The following GTF2E2 variants were observed in gnomAD, a reference collection of about 807,000 sequenced individuals.
GTF2E2 encodes general transcription factor IIE subunit 2.
Under a neutral mutation model 40.5 loss-of-function variants are expected in GTF2E2, and 21 were observed. The ratio of observed to expected loss-of-function variants is 0.52; its 90% CI spans 0.37 to 0.75. GTF2E2 has a LOEUF of 0.75. Among genes scored for constraint, GTF2E2 ranks in the 30% least tolerant of loss-of-function variants. GTF2E2 has a pLI of 0.00. For synonymous variants in GTF2E2, 117 were observed against 121.6 expected (o/e 0.96, Z 0.25); for missense variants, 298 against 338.4 (o/e 0.88, Z 0.94).
intron 5 of GTF2E2, among the ~76,000 whole-genome samples, chr8:30,611,635 T>C (rs893367191): frequency 6.6e-6 from 1 of 151,888 alleles, no homozygotes; most frequent in Non-Finnish European, 1.5e-5. Context: ...AGAAAAAAAA[T>C]TGAAATAAAT....
At chr8:30,605,815 C>G (rs1829302549) in intron 6 of GTF2E2, among the ~76,000 whole-genome samples, 1 of 152,098 alleles carries the variant, frequency 6.6e-6, no homozygotes, top group Non-Finnish European at 1.5e-5. Flanking sequence ...CATGCGCCAC[C>G]AAGCCTGGCT....
intron 3 of GTF2E2, among the ~76,000 whole-genome samples, chr8:30,621,391 G>A (rs1169368164): frequency 4.6e-5 from 7 of 152,030 alleles, no homozygotes; most frequent in African/African-American, 1.7e-4. Context: ...CAACTATCAA[G>A]TTGCTAAGGG....
intron 1 of GTF2E2, 111 bp downstream of exon 1, chr8:30,657,862 C>T (rs1802492295): frequency 6.6e-6 from 1 of 152,248 alleles, no homozygotes; most frequent in South Asian, 2.1e-4. Context: ...GTCCCAGCTT[C>T]CCGTGAGGTG....
At chr8:30,639,674 T>C (rs528170825) in intron 2 of GTF2E2, among the ~76,000 whole-genome samples, 16 of 152,316 alleles carry the variant, frequency 1.1e-4, no homozygotes, top group Admixed American at 7.2e-4. Flanking sequence ...TACTAGATGT[T>C]AGAACTCCAT....
chr8:30,632,737 T>C (rs565754412), intron 3 of GTF2E2, among the ~76,000 whole-genome samples: 5 of 152,136 alleles, frequency 3.3e-5, no homozygotes, highest in Non-Finnish European at 7.4e-5. Context: ...AGGTAACAAA[T>C]CCTTTGGCAA....
chr8:30,629,474 C>CA (rs1801376301), intron 3 of GTF2E2, among the ~76,000 whole-genome samples: 1 of 152,094 alleles, frequency 6.6e-6, no homozygotes, highest in Admixed American at 6.5e-5. Context: ...ATCACAAGGT[C>CA]AGGAGATCCA....
At chr8:30,621,501 T>G (rs1316460851) in intron 3 of GTF2E2, among the ~76,000 whole-genome samples, 2 of 152,030 alleles carry the variant, frequency 1.3e-5, no homozygotes, top group South Asian at 2.1e-4. Context: ...AATGAAAGAG[T>G]GCTTACAGAG....
chr8:30,622,726 G>A (rs1021425682), intron 3 of GTF2E2, among the ~76,000 whole-genome samples: 2 of 151,980 alleles, frequency 1.3e-5, no homozygotes, highest in African/African-American at 2.4e-5. Context: ...CCCCAGGCAC[G>A]TATTTGCTTT....
chr8:30,583,088 C>A (rs1271687752), intron 6 of GTF2E2, among the ~76,000 whole-genome samples: 2 of 152,108 alleles, frequency 1.3e-5, no homozygotes, highest in Admixed American at 1.3e-4. Flanking sequence ...AATCCCAGCA[C>A]TTTGGGAGGC....
At chr8:30,635,005 C>G (rs1352918817) in intron 3 of GTF2E2, 27 bp downstream of exon 3, 1 of 1,284,020 alleles carries the variant, frequency 7.8e-7, no homozygotes, top group Non-Finnish European at 1.1e-6. Context: ...TTAAATAGGA[C>G]TTTTGCTATC....
chr8:30,637,419 A>G (rs1801641421), intron 2 of GTF2E2: 2 of 389,182 alleles, frequency 5.1e-6, no homozygotes, highest in Non-Finnish European at 1.0e-5. Flanking sequence ...GTAAACACTC[A>G]ATAAATATTT....
In GTF2E2 at chr8:30,625,979, T is replaced by C. The variant is rs567696463; in HGVS notation, c.258+9053A>G. Among the ~76,000 whole-genome samples, 4 of 152,258 alleles carry C rather than the reference T, an allele frequency of 2.6e-5. No individual in the cohort carries two copies. The South Asian group carries it at 6.2e-4, about 24-fold the overall frequency. On this transcript the variant is annotated intron_variant, in intron 3 of 7. Coordinates refer to ENST00000355904, the MANE Select transcript of GTF2E2 (RefSeq NM_002095.6). ...GCTCTATATGGCACAAACAAAAGCA[T>C]AGTAGGCTGACAATGTCAGCAGCTC...
intron 3 of GTF2E2, among the ~76,000 whole-genome samples, chr8:30,633,457 T>C (rs1801498437): frequency 6.6e-6 from 1 of 152,222 alleles, no homozygotes; most frequent in Admixed American, 6.5e-5. Context: ...TTTCTGGTCA[T>C]CATTTAAATT....
At chr8:30,644,984 A>C (rs1802015060) in intron 2 of GTF2E2, among the ~76,000 whole-genome samples, 1 of 152,128 alleles carries the variant, frequency 6.6e-6, no homozygotes, top group Non-Finnish European at 1.5e-5. Flanking sequence ...TCCTGGGCTC[A>C]AGTGATCTGC....
At chr8:30,607,919 A>G (rs1829368964) in intron 5 of GTF2E2, among the ~76,000 whole-genome samples, 1 of 152,228 alleles carries the variant, frequency 6.6e-6, no homozygotes, top group Non-Finnish European at 1.5e-5. Context: ...AATGTGATGC[A>G]ATAGTGAAAT....
At chr8:30,626,530 T>C (rs928459296) in intron 3 of GTF2E2, among the ~76,000 whole-genome samples, 1 of 152,244 alleles carries the variant, frequency 6.6e-6, no homozygotes, top group Non-Finnish European at 1.5e-5. Context: ...TTCATATTTT[T>C]TGCAACTTTC....
intron 7 of GTF2E2, 23 bp downstream of exon 7, chr8:30,580,258 C>A: frequency 7.7e-7 from 1 of 1,291,720 alleles, no homozygotes; most frequent in Non-Finnish European, 1.1e-6. Flanking sequence ...GGGGATTAAG[C>A]TGCTTTGCTA....
chr8:30,645,036 C>A (rs1383018671), intron 2 of GTF2E2, among the ~76,000 whole-genome samples: 1 of 152,182 alleles, frequency 6.6e-6, no homozygotes, highest in Non-Finnish European at 1.5e-5. Flanking sequence ...AGGCGTGAGC[C>A]ACCATGCCTG....
At chr8:30,647,172 CA>C (rs546728764) in intron 2 of GTF2E2, among the ~76,000 whole-genome samples, 117 of 151,020 alleles carry the variant, frequency 7.7e-4, no homozygotes, top group South Asian at 2.9e-3. Flanking sequence ...GCTGTGGGGA[CA>C]AAAAAAAGCA....
Sources: gnomAD v4.1 joint callset for allele counts (sites outside exome capture counted in the v4.1 genomes callset) on GRCh38, gnomAD v4.1.1 for gene constraint, MANE v1.5 for transcripts, NCBI Gene and HGNC (gene_info 2026-07-23, HGNC 2026-07-21) for gene names.